Variants in KPNB1 observed in about 807,000 individuals in gnomAD.
KPNB1 encodes importin subunit beta-1.
Under a neutral mutation model 113.0 loss-of-function variants are expected in KPNB1, and 7 were observed. The observed-to-expected ratio is 0.06, with a 90% CI of 0.04 to 0.12. The LOEUF (loss-of-function observed/expected upper bound fraction) is 0.12. KPNB1 is among the 10% of genes least tolerant of loss of function. The pLI, the probability that KPNB1 is intolerant of heterozygous loss-of-function variation, is 1.00. For missense variants in KPNB1, 400 were observed against 1,054.8 expected (o/e 0.38, Z 8.60); for synonymous variants, 363 against 378.6 (o/e 0.96, Z 0.48).
In KPNB1 at chr17:47,685,017, G is replaced by A. The variant is rs1248410519; in HGVS notation, c.*2613G>A. 1 of 152,166 alleles carries A rather than the reference G, an allele frequency of 6.6e-6. No homozygotes were observed. Among genetic ancestry groups the A allele is most frequent in the African/African-American group, 2.4e-5 (1 of 41,440 alleles). 9.4% of individuals were successfully genotyped at this position (152,166 alleles called of 1,614,324 possible). A position where few individuals can be genotyped will look rare whatever the true frequency, so the allele number is the denominator to read the frequency against. ...AATGTAGTTACCGTCTGCTTGGGAA[G>A]ATGTCAGTGCAAATGTGAAGATAAT... On this transcript the variant is annotated 3_prime_UTR_variant, in exon 22 of 22. Transcript: ENST00000290158.
intron 21 of KPNB1, among the ~76,000 whole-genome samples, chr17:47,681,358 T>C (rs555757456): frequency 5.1e-4 from 76 of 147,814 alleles, no homozygotes; most frequent in Non-Finnish European, 8.9e-5. Flanking sequence ...AACCTCTGCC[T>C]CCCGGGTTCA....
chr17:47,656,251 C>T (rs978073836), intron 3 of KPNB1, among the ~76,000 whole-genome samples: 27 of 121,022 alleles, frequency 2.2e-4, no homozygotes, highest in African/African-American at 7.1e-4. Flanking sequence ...ACGAGCGAGA[C>T]TTTGTCTCAA....
chr17:47,670,005 TG>T, intron 11 of KPNB1, 136 bp downstream of exon 11: 1 of 681,680 alleles, frequency 1.5e-6, no homozygotes, highest in African/African-American at 1.8e-5. Flanking sequence ...TCAATTAAAA[TG>T]TGGGGGAGAT....
chr17:47,658,074 T>G (rs1472852804), intron 4 of KPNB1, among the ~76,000 whole-genome samples: 1 of 152,162 alleles, frequency 6.6e-6, no homozygotes, highest in East Asian at 1.9e-4. Flanking sequence ...GTCTGGGCAA[T>G]ACAGACCCTG....
At chr17:47,652,661 AT>A in intron 2 of KPNB1, 32 bp from the exon 3 acceptor site, 1 of 1,487,192 alleles carries the variant, frequency 6.7e-7, no homozygotes, top group Non-Finnish European at 9.0e-7. Flanking sequence ...TTCCTAAGAT[AT>A]TTTTATTTAC....
In KPNB1 at chr17:47,650,222, T is replaced by TCGCCGC. The variant is rs758744606; in HGVS notation, c.-15_-10dup. On this transcript the variant is annotated 5_prime_UTR_variant, in exon 1 of 22. Coordinates refer to ENST00000290158, the MANE Select transcript of KPNB1 (RefSeq NM_002265.6). ...GGCCGGGCCGTCGTCTTAGGAGGAG[T>TCGCCGC]CGCCGCCGCCGCCACCTCCGCCATG... The TCGCCGC allele has an allele frequency of 2.6e-5, 37 of 1,418,934 alleles. No homozygotes were observed. The South Asian group carries it at 3.4e-4, about 13-fold the overall frequency. 87.9% of individuals were successfully genotyped at this position (1,418,934 alleles called of 1,614,324 possible). A position where few individuals can be genotyped will look rare whatever the true frequency, so the allele number is the denominator to read the frequency against.
intron 5 of KPNB1, among the ~76,000 whole-genome samples, chr17:47,660,786 C>A (rs2030068806): frequency 6.6e-6 from 1 of 152,196 alleles, no homozygotes; most frequent in Non-Finnish European, 1.5e-5. Context: ...GATTTTCCTA[C>A]ATGTAAATTT....
intron 4 of KPNB1, among the ~76,000 whole-genome samples, chr17:47,657,740 A>G (rs1400324836): frequency 6.6e-6 from 1 of 152,236 alleles, no homozygotes; most frequent in Non-Finnish European, 1.5e-5. Flanking sequence ...CCTCATACCC[A>G]GAGTCATTAT....
chr17:47,675,361 G>GTTTTTGTTTTTTTTTTTT lies in KPNB1; in HGVS notation c.1912+584_1912+585insGTTTTTTTTTTTTTTTTT, dbSNP rs2030568124. Among the ~76,000 whole-genome samples the GTTTTTGTTTTTTTTTTTT allele has an allele frequency of 3.3e-4, 29 of 88,680 alleles. 2 individuals carry two copies. The highest frequency in any genetic ancestry group is 2.1e-3 in the Admixed American group (18 of 8,734). The allele number at this position is 88,680 out of a possible 152,430, so 58.2% of individuals were successfully genotyped here. ...TGCAACGGAGATTGGCAGAGGTGTT[G>GTTTTTGTTTTTTTTTTTT]TTTTTTTTTTGTTTTTTTTTTTTGT... On this transcript the variant is annotated intron_variant, in intron 15 of 21. Coordinates refer to ENST00000290158, the MANE Select transcript of KPNB1 (RefSeq NM_002265.6).
chr17:47,678,211 C>T (rs767386365), intron 18 of KPNB1, 22 bp downstream of exon 18: 4 of 1,613,770 alleles, frequency 2.5e-6, no homozygotes, highest in Non-Finnish European at 3.4e-6. Context: ...GCTATCTTGG[C>T]TGTTCTTTAA....
intron 19 of KPNB1, 83 bp downstream of exon 19, chr17:47,678,496 G>A (rs1405314770): frequency 1.2e-5 from 11 of 946,246 alleles, no homozygotes; most frequent in South Asian, 4.1e-5. Flanking sequence ...TCTGTAGCTC[G>A]CTTGTGAACC....
At chr17:47,675,361 G>GTTTTTGGTTTTTT (rs2030568124) in intron 15 of KPNB1, among the ~76,000 whole-genome samples, 1 of 88,692 alleles carries the variant, frequency 1.1e-5, no homozygotes, top group African/African-American at 4.6e-5. Context: ...CAGAGGTGTT[G>GTTTTTGGTTTTTT]TTTTTTTTTT....
chr17:47,669,248 A>G (rs1053413722), intron 10 of KPNB1, among the ~76,000 whole-genome samples: 6 of 152,118 alleles, frequency 3.9e-5, no homozygotes, highest in Admixed American at 6.5e-5. Context: ...AGGTGGGACT[A>G]TGTGCCACCA....
chr17:47,655,261 A>G (rs1329281230), intron 3 of KPNB1, among the ~76,000 whole-genome samples: 1 of 152,194 alleles, frequency 6.6e-6, no homozygotes, highest in Non-Finnish European at 1.5e-5. Flanking sequence ...TTGTGGCTTC[A>G]TCTTTTATCA....
At chr17:47,664,358 G>C (rs1387101016) in intron 8 of KPNB1, 89 bp downstream of exon 8, 1 of 904,180 alleles carries the variant, frequency 1.1e-6, no homozygotes, top group African/African-American at 1.7e-5. Flanking sequence ...ACTTTATTCT[G>C]TCTGGGTTTA....
intron 14 of KPNB1, 84 bp downstream of exon 14, chr17:47,673,645 C>G: frequency 9.6e-7 from 1 of 1,045,508 alleles, no homozygotes; most frequent in Non-Finnish European, 1.5e-6. Context: ...ACACACAGAA[C>G]TCGAAAATGG....
In KPNB1 at chr17:47,683,533, G is replaced by C. The variant is rs1296589745; in HGVS notation, c.*1129G>C. On this transcript the variant is annotated 3_prime_UTR_variant, in exon 22 of 22. Transcript: ENST00000290158. ...TTAGAAAAATAAATATACAATAAAA[G>C]TAAACACATACACACAAAACAGCAA... 6.6e-6 allele frequency: 1 copy of C among 152,436 alleles called. No homozygotes were observed. Among genetic ancestry groups the C allele is most frequent in the Non-Finnish European group, 1.5e-5 (1 of 68,010 alleles). The allele number at this position is 152,436 out of a possible 1,614,324, so 9.4% of individuals were successfully genotyped here. A position where few individuals can be genotyped will look rare whatever the true frequency, so the allele number is the denominator to read the frequency against.
rs555933603 is a variant in KPNB1, at chr17:47,649,934, G to C, written c.-311G>C. 7.1e-6 allele frequency: 9 copies of C among 1,274,322 alleles called. No individual in the cohort carries two copies. In the African/African-American group the frequency reaches 1.2e-4, roughly 18 times the overall value. The allele number at this position is 1,274,322 out of a possible 1,614,324, so 78.9% of individuals were successfully genotyped here. On this transcript the variant is annotated 5_prime_UTR_variant, in exon 1 of 22. Coordinates refer to ENST00000290158, the MANE Select transcript of KPNB1 (RefSeq NM_002265.6). The stretch of plus-strand genomic sequence containing the variant: ...CTCCCTCGCTCCCTCCCTGCGCGCC[G>C]CCTCTCACTCACAGCCTCCCTTCCT...
intron 3 of KPNB1, among the ~76,000 whole-genome samples, chr17:47,655,388 G>A (rs1299720796): frequency 6.6e-6 from 1 of 152,206 alleles, no homozygotes; most frequent in Admixed American, 6.5e-5. Flanking sequence ...ATCTGTCAGT[G>A]ATAGAACAGT....
Sources: allele counts gnomAD v4.1 joint callset (sites outside exome capture counted in the v4.1 genomes callset), GRCh38; gene constraint gnomAD v4.1.1; transcripts MANE v1.5; gene names NCBI Gene and HGNC (gene_info 2026-07-23, HGNC 2026-07-21).